Variants in LSR observed in about 807,000 individuals in gnomAD.
The protein encoded by LSR is lipolysis stimulated lipoprotein receptor.
A neutral mutation model predicts 61.8 loss-of-function variants in LSR; 44 were observed. The observed-to-expected ratio is 0.71, with a 90% confidence interval of 0.56 to 0.91. The LOEUF (loss-of-function observed/expected upper bound fraction) is 0.91, where lower values mean the gene tolerates loss of function less well. Among genes scored for constraint, LSR ranks in the 40% least tolerant of loss-of-function variants. The pLI, the probability that LSR is intolerant of heterozygous loss-of-function variation, is 0.00. For missense variants in LSR, 911 were observed against 830.5 expected, an observed-to-expected ratio of 1.10 and a Z score of -1.19; for synonymous variants, 397 against 350.6, an observed-to-expected ratio of 1.13 and a Z score of -1.48.
intron 2 of LSR, among the ~76,000 whole-genome samples, 178 bp from the exon 3 acceptor site, chr19:35,258,767 G>A (rs888220376): frequency 3.3e-5 from 5 of 152,136 alleles, no homozygotes; most frequent in African/African-American, 1.2e-4. Context: ...TGTTTAGAAC[G>A]GGGTGTAAAA....
chr19:35,266,228 C>G (rs2145545473), intron 5 of LSR, 131 bp from the exon 6 acceptor site: 1 of 671,338 alleles, frequency 1.5e-6, no homozygotes, highest in Middle Eastern at 3.3e-4. Context: ...CTCAGATGTC[C>G]AAGGAAGCTC....
At chr19:35,263,364 A>C (rs2065956047) in intron 5 of LSR, among the ~76,000 whole-genome samples, 1 of 152,046 alleles carries the variant, frequency 6.6e-6, no homozygotes, top group Non-Finnish European at 1.5e-5. Flanking sequence ...AAGCAAAAAA[A>C]ATTTTTTTTG....
At chr19:35,250,777 C>T in intron 2 of LSR, 118 bp downstream of exon 2, 1 of 696,252 alleles carries the variant, frequency 1.4e-6, no homozygotes, top group South Asian at 2.8e-5. Context: ...TCTGAAAGGA[C>T]CATTGAAGGG....
rs1050594232 is a variant in LSR at position 35,249,060 on chromosome 19, G to C, written c.38G>C (p.Gly13Ala). Reference protein sequence around the residue: ...LLAGGLSRGLGSHPAAAGRDA... With the variant: ...LLAGGLSRGLASHPAAAGRDA... Reference sequence around the variant, plus strand: ...GCCGGCGGGCTCTCCAGAGGGCTGGGCTCCCACCCGGCCGCCGCAGGCCGG... The same window carrying C: ...GCCGGCGGGCTCTCCAGAGGGCTGGCCTCCCACCCGGCCGCCGCAGGCCGG... The change falls in exon 1 of 10, where the codon GGC (glycine) becomes GCC (alanine). Residue 13 changes from glycine (G) to alanine (A), a missense_variant. Physicochemically the swap from Gly to Ala is moderately conservative, Grantham distance 60 (BLOSUM62 0). Transcript: ENST00000605618. 1.3e-6 allele frequency: 2 copies of C among 1,573,930 alleles called. No individual in the cohort carries two copies. Among genetic ancestry groups the C allele is most frequent in the Non-Finnish European group, 8.6e-7 (1 of 1,161,132 alleles).
Position 35,266,690 on chromosome 19 carries a change from G to T in LSR, c.964G>T (p.Gly322Cys), listed in dbSNP as rs1221355825. Residue 322 changes from glycine to cysteine, a missense_variant, in exon 7 of 10, where the codon GGC becomes TGC. Gly to Cys is a radical substitution (Grantham distance 159). Coordinates refer to ENST00000605618, the MANE Select transcript of LSR (RefSeq NM_205834.4). ...VDRSSSAGGQ[G>C]SYVPLLRDTD... ...CCACTCTCCCCCAGCTGGTGGCCAA[G>T]GCTCCTATGTACCCCTGCTTCGGGA... 1 of 1,609,038 alleles carries T rather than the reference G, an allele frequency of 6.2e-7. No homozygotes were observed. Among genetic ancestry groups the T allele is most frequent in the Admixed American group, 1.7e-5 (1 of 59,148 alleles).
At chr19:35,262,512 G>A (rs200105057) in intron 4 of LSR, 34 bp from the exon 5 acceptor site, 1 of 1,613,418 alleles carries the variant, frequency 6.2e-7, no homozygotes, top group Admixed American at 1.7e-5. Flanking sequence ...TCCCTCCCAG[G>A]CCTCCGGGCT....
chr19:35,267,465 C>G lies in LSR; in HGVS notation c.1501C>G (p.Pro501Ala), dbSNP rs145609621. ...GAGGGACTTCCCACGCTCCCGGGAC[C>G]CCCACTACGACGACTTCAGGTCTCG... ...DSRDFPRSRD[P>A]HYDDFRSRER... Residue 501 changes from proline (P) to alanine (A), a missense_variant, in exon 9 of 10, where the codon CCC (proline) becomes GCC (alanine). Physicochemically the swap from Pro to Ala is conservative, Grantham distance 27. Transcript: ENST00000605618. 7 of 1,610,906 alleles carry G rather than the reference C, an allele frequency of 4.3e-6. No individual in the cohort carries two copies. The highest frequency in any genetic ancestry group is 5.9e-6 in the Non-Finnish European group (7 of 1,179,442).
chr19:35,256,373 C>T (rs2065856851), intron 2 of LSR, among the ~76,000 whole-genome samples: 1 of 152,074 alleles, frequency 6.6e-6, no homozygotes, highest in Non-Finnish European at 1.5e-5. Context: ...AAAAAATAAT[C>T]ATTTTCTGAA....
rs1015591664 is a variant in LSR at position 35,266,525 on chromosome 19, T to G, written c.945T>G (p.Ser315Arg). 4 of 1,603,440 alleles carry G rather than the reference T, an allele frequency of 2.5e-6. No homozygotes were observed. Among genetic ancestry groups the G allele is most frequent in the Non-Finnish European group, 3.4e-6 (4 of 1,173,694 alleles). The stretch of plus-strand genomic sequence containing the variant: ...GATACCCTGGAGACGTTGACAGGAG[T>G]AGCTCAGGTGAGGCCGGGGGAAGCA... ...PGGYPGDVDR[S>R]SSAGGQGSYV... Residue 315 changes from serine (S) to arginine (R), a missense_variant, in exon 6 of 10, where the codon AGT becomes AGG. By Grantham distance (110) the Ser-to-Arg change is moderately radical. Coordinates refer to ENST00000605618, the MANE Select transcript of LSR (RefSeq NM_205834.4).
In LSR at chr19:35,266,677, A is replaced by C. The variant is rs1338690296; in HGVS notation, c.953-2A>C. ...CGGCCACTGACAGCCACTCTCCCCC[A>C]GCTGGTGGCCAAGGCTCCTATGTAC... On this transcript the variant is annotated splice_acceptor_variant, in intron 6 of 9. Coordinates refer to ENST00000605618, the MANE Select transcript of LSR (RefSeq NM_205834.4). LOFTEE classifies it high-confidence loss of function. The C allele has an allele frequency of 6.2e-7, 1 of 1,607,688 alleles. No individual in the cohort carries two copies. The highest frequency in any genetic ancestry group is 1.7e-5 in the Admixed American group (1 of 58,872).
At chr19:35,250,952 C>T (rs973494857) in intron 2 of LSR, among the ~76,000 whole-genome samples, 5 of 152,008 alleles carry the variant, frequency 3.3e-5, no homozygotes, top group Admixed American at 6.5e-5. Context: ...CGTGCCACCA[C>T]GCCCAGTTAA....
chr19:35,265,014 T>C (rs1599606070), intron 5 of LSR, among the ~76,000 whole-genome samples: 2 of 152,078 alleles, frequency 1.3e-5, no homozygotes, highest in South Asian at 2.1e-4. Flanking sequence ...TCATGGGTTG[T>C]TGTTAGCATT....
chr19:35,267,324 C>T lies in LSR; in HGVS notation c.1360C>T (p.Pro454Ser), dbSNP rs1160889935. The T allele has an allele frequency of 1.3e-6, 2 of 1,561,408 alleles. No homozygotes were observed. The highest frequency in any genetic ancestry group is 1.7e-6 in the Non-Finnish European group (2 of 1,153,978). ...CGTGGACGCCCTGGACGACCTCACC[C>T]CGCCGAGCACCGCCGAGTCAGGGAG... ...RSVDALDDLT[P>S]PSTAESGSRS... The change falls in exon 9 of 10, where the codon CCG becomes TCG. Residue 454 changes from proline (P) to serine (S), a missense_variant. Pro to Ser is a moderately conservative substitution (Grantham distance 74). Transcript: ENST00000605618.
chr19:35,250,382 G>A lies in LSR; in HGVS notation c.177G>A (p.Val59=), dbSNP rs1378982124. 1 of 1,602,358 alleles carries A rather than the reference G, an allele frequency of 6.2e-7. No individual in the cohort carries two copies. Among genetic ancestry groups the A allele is most frequent in the Middle Eastern group, 1.7e-4 (1 of 6,010 alleles). Residue 59 remains valine (V), a synonymous_variant, in exon 2 of 10, where the codon GTG becomes GTA. Coordinates refer to ENST00000605618, the MANE Select transcript of LSR (RefSeq NM_205834.4). Reference sequence around the variant, plus strand: ...ACGTGGTGATCCTCTTCCAGCCTGTGACCCTGCCCTGTACCTACCAGATGA... The same window carrying A: ...ACGTGGTGATCCTCTTCCAGCCTGTAACCCTGCCCTGTACCTACCAGATGA... ...PYHVVILFQP[V]TLPCTYQMTS... is the part of the protein sequence containing the mutation.
At chr19:35,266,561 G>C (rs370400208) in intron 6 of LSR, 29 bp downstream of exon 6, 164 of 1,599,408 alleles carry the variant, frequency 1.0e-4, no homozygotes, top group Non-Finnish European at 1.4e-4. Context: ...GGAACAGCTG[G>C]TGGGAGTGTG....
At chr19:35,256,019 G>A (rs2065852171) in intron 2 of LSR, among the ~76,000 whole-genome samples, 1 of 152,148 alleles carries the variant, frequency 6.6e-6, no homozygotes, top group Non-Finnish European at 1.5e-5. Context: ...GATCACTTGA[G>A]GTCAGGAGTT....
intron 2 of LSR, among the ~76,000 whole-genome samples, chr19:35,253,790 G>A (rs1052092472): frequency 2.6e-5 from 4 of 152,318 alleles, no homozygotes; most frequent in East Asian, 1.9e-4. Context: ...TGGACCAGGC[G>A]TGACTGCTAA....
rs548864880 is a variant in LSR, at chr19:35,262,793, G to C, written c.778+101G>C. On this transcript the variant is annotated intron_variant, in intron 5 of 9. Coordinates refer to ENST00000605618, the MANE Select transcript of LSR (RefSeq NM_205834.4). ...CCCCCAGGACAGTGGCGTTGGTCTG[G>C]AGGGTGTGAATTTAGCCAGTGGGGA... is the stretch of plus-strand genomic sequence containing the variant. The C allele has an allele frequency of 1.0e-5, 15 of 1,465,258 alleles. No homozygotes were observed. In the South Asian group the frequency reaches 1.6e-4, roughly 15 times the overall value. The allele number at this position is 1,465,258 out of a possible 1,614,324, so 90.8% of individuals were successfully genotyped here. A position where few individuals can be genotyped will look rare whatever the true frequency, so the allele number is the denominator to read the frequency against.
chr19:35,249,423 A>C, intron 1 of LSR: 1 of 415,670 alleles, frequency 2.4e-6, no homozygotes, highest in Non-Finnish European at 4.3e-6. Context: ...GGAGTGGAAG[A>C]CCGCCCGATC....
Sources: gnomAD v4.1 joint callset for allele counts (sites outside exome capture counted in the v4.1 genomes callset) on GRCh38, gnomAD v4.1.1 for gene constraint, MANE v1.5 for transcripts, NCBI Gene and HGNC (gene_info 2026-07-23, HGNC 2026-07-21) for gene names.